The following MUC15 variants were observed in gnomAD, a reference collection of about 807,000 sequenced individuals.
The protein encoded by MUC15 is mucin 15, cell surface associated.
Under a neutral mutation model 24.0 loss-of-function variants are expected in MUC15, and 23 were observed. That is an observed-to-expected ratio of 0.96 (90% CI 0.69 to 1.36). The LOEUF is 1.36. MUC15 is among the 40% of genes most tolerant of loss of function. The pLI is 0.00. For missense variants in MUC15, 442 were observed against 428.2 expected (o/e 1.03, Z -0.29); for synonymous variants, 151 against 156.3 (o/e 0.97, Z 0.25).
At chr11:26,571,345 A>G (rs944613394) in intron 1 of MUC15, among the ~76,000 whole-genome samples, 3 of 152,160 alleles carry the variant, frequency 2.0e-5, no homozygotes, top group African/African-American at 4.8e-5. Flanking sequence ...AGAGGCTTAT[A>G]TAGCCACAAA....
chr11:26,567,048 T>C lies in MUC15; in HGVS notation c.43+4A>G. On this transcript the variant is annotated splice_donor_region_variant and intron_variant, in intron 2 of 4. Transcript: ENST00000529533. Reference sequence around the variant, plus strand: ...TTTACAGTATCATCTTATTTGATACTTACAACAATCCCTTGATGTGGCAAG... The same window carrying C: ...TTTACAGTATCATCTTATTTGATACCTACAACAATCCCTTGATGTGGCAAG... 6.7e-7 allele frequency: 1 copy of C among 1,500,822 alleles called. No individual in the cohort carries two copies. Among genetic ancestry groups the C allele is most frequent in the Admixed American group, 2.2e-5 (1 of 46,284 alleles). 93.0% of individuals were successfully genotyped at this position (1,500,822 alleles called of 1,614,324 possible).
chr11:26,566,999 T>C (rs1202744018), intron 2 of MUC15, 53 bp downstream of exon 2: 19 of 1,365,106 alleles, frequency 1.4e-5, no homozygotes, highest in Non-Finnish European at 1.8e-5. Context: ...ATAATATATC[T>C]ATAGTGTCTT....
chr11:26,559,873 C>A lies in MUC15; in HGVS notation c.*1192G>T. ...ACACACACACACACACACACACACA[C>A]ACCATGAATCAATTCAAAAATAAAG... On this transcript the variant is annotated 3_prime_UTR_variant, in exon 5 of 5. Coordinates refer to ENST00000529533, the MANE Select transcript of MUC15 (RefSeq NM_001135091.2). 9.2e-6 allele frequency: 7 copies of A among 760,764 alleles called. No individual in the cohort carries two copies. Among genetic ancestry groups the A allele is most frequent in the South Asian group, 1.8e-5 (1 of 56,056 alleles). 47.1% of individuals were successfully genotyped at this position (760,764 alleles called of 1,614,324 possible).
chr11:26,570,676 T>C (rs912143017), intron 1 of MUC15, among the ~76,000 whole-genome samples: 5 of 152,140 alleles, frequency 3.3e-5, no homozygotes, highest in African/African-American at 9.7e-5. Context: ...GATCATTTCT[T>C]CTCACAGATG....
chr11:26,561,659 A>T (rs923369037), intron 4 of MUC15, among the ~76,000 whole-genome samples: 81 of 152,130 alleles, frequency 5.3e-4, no homozygotes, highest in African/African-American at 1.7e-3. Flanking sequence ...ATATCACAGT[A>T]TCTTGATGGC....
rs202233143 is a variant in MUC15, at chr11:26,564,766, T to C, written c.775+399A>G. On this transcript the variant is annotated intron_variant, in intron 3 of 4. Coordinates refer to ENST00000529533, the MANE Select transcript of MUC15 (RefSeq NM_001135091.2). ...ATATATATATATATATATATATATA[T>C]ATATATATATATATATATAAGTTCA... Among the ~76,000 whole-genome samples, 21 of 99,050 alleles carry C rather than the reference T, an allele frequency of 2.1e-4. 1 individual carries two copies. The highest frequency in any genetic ancestry group is 5.7e-4 in the Admixed American group (5 of 8,716). The allele number at this position is 99,050 out of a possible 152,430, so 65.0% of individuals were successfully genotyped here. A position where few individuals can be genotyped will look rare whatever the true frequency, so the allele number is the denominator to read the frequency against.
intron 1 of MUC15, 125 bp downstream of exon 1, chr11:26,571,916 C>T (rs1365480567): frequency 4.4e-6 from 1 of 225,046 alleles, no homozygotes; most frequent in African/African-American, 2.3e-5. Context: ...GCCGTAGCTA[C>T]TTGCCAGGCT....
rs144443295 is a variant in MUC15, at chr11:26,563,466, C to A, written c.776-201G>T. On this transcript the variant is annotated intron_variant, in intron 3 of 4. Transcript: ENST00000529533. ...GTACTATTTGGGATATATGGGCAAA[C>A]GTATTTGTTGATAAAACCACACTTC... 4.1e-3 allele frequency among the ~76,000 whole-genome samples: 609 copies of A among 149,224 alleles called. 2 individuals carry two copies. The highest frequency in any genetic ancestry group is 0.014 in the African/African-American group (566 of 40,466).
intron 2 of MUC15, among the ~76,000 whole-genome samples, chr11:26,566,565 CTG>C (rs1348959131): frequency 6.6e-6 from 1 of 151,766 alleles, no homozygotes; most frequent in Non-Finnish European, 1.5e-5. Flanking sequence ...TAATCCCAAA[CTG>C]GGGAGATTCA....
At chr11:26,563,920 A>G (rs952728381) in intron 3 of MUC15, among the ~76,000 whole-genome samples, 2 of 151,910 alleles carry the variant, frequency 1.3e-5, no homozygotes, top group African/African-American at 4.8e-5. Context: ...TAAATTTTCA[A>G]TAAACTAAAT....
At position 26,565,738 on chromosome 11, in the gene MUC15, T is replaced by C. The variant is rs762774278; in HGVS notation, c.202A>G (p.Thr68Ala). The change falls in exon 3 of 5, where the codon ACA becomes GCA. Residue 68 changes from threonine to alanine, a missense_variant. Thr to Ala is a moderately conservative substitution (Grantham distance 58). Transcript: ENST00000529533. ...AAAGAAATAGGTTTATTTTCCATTG[T>C]TTTAAAAACTTCTGCAATGTTCTGT... ...TTQNIAEVFK[T>A]MENKPISLES... The C allele has an allele frequency of 1.1e-5, 18 of 1,606,004 alleles. No homozygotes were observed. The highest frequency in any genetic ancestry group is 2.2e-5 in the South Asian group (2 of 90,970).
Position 26,567,150 on chromosome 11 carries a change from G to A in MUC15, c.-45-11C>T. On this transcript the variant is annotated splice_polypyrimidine_tract_variant and intron_variant, in intron 1 of 4. Coordinates refer to ENST00000529533, the MANE Select transcript of MUC15 (RefSeq NM_001135091.2). ...GGCTAGTAACAGAAGCTGGAAAATG[G>A]AAGAGGCAATATTTAAAGCCAAGTC... 7 of 1,386,002 alleles carry A rather than the reference G, an allele frequency of 5.1e-6. No individual in the cohort carries two copies. Among genetic ancestry groups the A allele is most frequent in the Non-Finnish European group, 6.6e-6 (7 of 1,057,416 alleles). The allele number at this position is 1,386,002 out of a possible 1,614,324, so 85.9% of individuals were successfully genotyped here.
At chr11:26,569,512 G>A (rs1007939588) in intron 1 of MUC15, among the ~76,000 whole-genome samples, 8 of 151,950 alleles carry the variant, frequency 5.3e-5, no homozygotes, top group African/African-American at 1.7e-4. Context: ...AAGCAGCCAG[G>A]AATTGAAGTC....
intron 2 of MUC15, among the ~76,000 whole-genome samples, chr11:26,566,836 C>A (rs989351680): frequency 6.6e-6 from 1 of 151,768 alleles, no homozygotes; most frequent in Non-Finnish European, 1.5e-5. Context: ...AAATAATCAC[C>A]ATAATAAGCA....
rs1565103720 is a variant in MUC15, at chr11:26,559,817, C to G, written c.*1248G>C. On this transcript the variant is annotated 3_prime_UTR_variant, in exon 5 of 5. Transcript: ENST00000529533. The stretch of plus-strand genomic sequence containing the variant: ...TTCATTACTTTCTATCCCTTATTTT[C>G]TGAAGCTGTTTCTGTGTTACACACA... 6 of 1,310,792 alleles carry G rather than the reference C, an allele frequency of 4.6e-6. No homozygotes were observed. The highest frequency in any genetic ancestry group is 2.5e-4 in the Middle Eastern group (1 of 3,988). The allele number at this position is 1,310,792 out of a possible 1,614,324, so 81.2% of individuals were successfully genotyped here.
chr11:26,570,658 T>C (rs908704126), intron 1 of MUC15, among the ~76,000 whole-genome samples: 1 of 152,068 alleles, frequency 6.6e-6, no homozygotes, highest in Non-Finnish European at 1.5e-5. Context: ...TTTCTCCAAG[T>C]TGTGTTTGAT....
chr11:26,568,863 T>C (rs1234471038), intron 1 of MUC15, among the ~76,000 whole-genome samples: 2 of 152,044 alleles, frequency 1.3e-5, no homozygotes, highest in African/African-American at 4.8e-5. Flanking sequence ...GCAAACATAA[T>C]GCTCCTTTTC....
rs139040141 is a variant in MUC15 at position 26,565,576 on chromosome 11, G to T, written c.364C>A (p.His122Asn). ...TDFSSNSSAE[H>N]SLGSLKPTST... ...GTGGGTTTTAGACTGCCCAAAGAATGCTCTGCTGATGAGTTACTGGAGAAA... is the reference window on the plus strand; with the variant it reads ...GTGGGTTTTAGACTGCCCAAAGAATTCTCTGCTGATGAGTTACTGGAGAAA... The change falls in exon 3 of 5, where the codon CAT (histidine) becomes AAT (asparagine). Residue 122 changes from histidine (H) to asparagine (N), a missense_variant. Transcript: ENST00000529533. 1 of 1,613,344 alleles carries T rather than the reference G, an allele frequency of 6.2e-7. No homozygotes were observed. The highest frequency in any genetic ancestry group is 1.3e-5 in the African/African-American group (1 of 74,984).
rs766583976 is a variant in MUC15 at position 26,559,674 on chromosome 11, A to C, written c.*1391T>G. The C allele has an allele frequency of 7.1e-7, 1 of 1,402,632 alleles. No individual in the cohort carries two copies. Among genetic ancestry groups the C allele is most frequent in the Non-Finnish European group, 1.0e-6 (1 of 988,240 alleles). 86.9% of individuals were successfully genotyped at this position (1,402,632 alleles called of 1,614,324 possible). ...TGCAAACAGTATTCACTGGCTTATT[A>C]TAATCAATTTGCATGACTAATATTT... On this transcript the variant is annotated 3_prime_UTR_variant, in exon 5 of 5. Transcript: ENST00000529533.
Sources: allele counts gnomAD v4.1 joint callset (sites outside exome capture counted in the v4.1 genomes callset), GRCh38; gene constraint gnomAD v4.1.1; transcripts MANE v1.5; gene names NCBI Gene and HGNC (gene_info 2026-07-23, HGNC 2026-07-21).